PRR5L: variants seen among roughly 807,000 people sequenced by gnomAD.
The protein encoded by PRR5L is proline rich 5 like.
PRR5L carries 21 observed loss-of-function variants against 36.4 expected under a neutral mutation model. That is an observed-to-expected ratio of 0.58 (90% CI 0.41 to 0.83). The LOEUF (loss-of-function observed/expected upper bound fraction) is 0.83. Ranked by LOEUF, PRR5L falls within the 40% of genes least tolerant of loss-of-function variation. PRR5L has a pLI of 0.00. For synonymous variants in PRR5L, 188 were observed against 197.0 expected, an observed-to-expected ratio of 0.95 and a Z score of 0.38; for missense variants, 381 against 473.3, an observed-to-expected ratio of 0.80 and a Z score of 1.81.
At chr11:36,444,726 C>T (rs1299178453) in intron 6 of PRR5L, among the ~76,000 whole-genome samples, 1 of 152,274 alleles carries the variant, frequency 6.6e-6, no homozygotes, top group East Asian at 1.9e-4. Context: ...GGTTGCCTGC[C>T]CCAGTCTTCC....
intron 1 of PRR5L, among the ~76,000 whole-genome samples, chr11:36,368,762 C>G (rs1047468251): frequency 6.6e-6 from 1 of 152,140 alleles, no homozygotes; most frequent in African/African-American, 2.4e-5. Context: ...CTTCCCAGTA[C>G]TTTTGTTCTG....
chr11:36,343,609 G>C (rs1004660422), intron 1 of PRR5L, among the ~76,000 whole-genome samples: 1 of 152,198 alleles, frequency 6.6e-6, no homozygotes, highest in Non-Finnish European at 1.5e-5. Context: ...TTGGTAGTGT[G>C]GAAGATTTGG....
intron 1 of PRR5L, among the ~76,000 whole-genome samples, chr11:36,306,114 T>A (rs973223749): frequency 1.3e-5 from 2 of 152,188 alleles, no homozygotes; most frequent in Admixed American, 6.5e-5. Context: ...TTTTAATTAT[T>A]ACACTTTAAG....
intron 1 of PRR5L, among the ~76,000 whole-genome samples, chr11:36,306,675 G>C (rs1035238099): frequency 1.3e-5 from 2 of 151,918 alleles, no homozygotes; most frequent in African/African-American, 2.4e-5. Flanking sequence ...TCTAATAAAG[G>C]CTTTACCAAT....
Position 36,388,217 on chromosome 11 carries a change from C to T in PRR5L, c.-125-12780C>T, listed in dbSNP as rs375866486. On this transcript the variant is annotated intron_variant, in intron 1 of 8. Coordinates refer to ENST00000530639, the MANE Select transcript of PRR5L (RefSeq NM_001160167.2). The stretch of plus-strand genomic sequence containing the variant: ...GCCCATATGTTCCTGCACAGGGTCA[C>T]TCCTATTGTGAAATAAATGCTGAAT... 1.1e-4 allele frequency: 17 copies of T among 152,314 alleles called. No homozygotes were observed. The East Asian group carries it at 1.3e-3, about 12-fold the overall frequency. The allele number at this position is 152,314 out of a possible 1,614,324, so 9.4% of individuals were successfully genotyped here. A position where few individuals can be genotyped will look rare whatever the true frequency, so the allele number is the denominator to read the frequency against.
chr11:36,351,497 ATATT>A lies in PRR5L; in HGVS notation c.-125-49498_-125-49495del, dbSNP rs1292267873. ...TACATATATATTTATATATTTATAT[ATATT>A]TTTATATATTTATATATATTTATAT... On this transcript the variant is annotated intron_variant, in intron 1 of 8. Transcript: ENST00000530639. 8.5e-3 allele frequency among the ~76,000 whole-genome samples: 180 copies of A among 21,150 alleles called. 65 individuals carry two copies. Among genetic ancestry groups the A allele is most frequent in the African/African-American group, 0.04 (150 of 3,716 alleles). The allele number at this position is 21,150 out of a possible 152,430, so 13.9% of individuals were successfully genotyped here. A position where few individuals can be genotyped will look rare whatever the true frequency, so the allele number is the denominator to read the frequency against.
chr11:36,408,783 A>G (rs968363966), intron 3 of PRR5L, among the ~76,000 whole-genome samples: 2 of 152,178 alleles, frequency 1.3e-5, no homozygotes, highest in Non-Finnish European at 2.9e-5. Flanking sequence ...TATGTAACCG[A>G]GAAGAATTAG....
At chr11:36,391,563 CT>C (rs11428494) in intron 1 of PRR5L, among the ~76,000 whole-genome samples, 1 of 151,938 alleles carries the variant, frequency 6.6e-6, no homozygotes, top group African/African-American at 2.4e-5. Flanking sequence ...AGCACCAAAA[CT>C]TTTAAGTTGC....
At chr11:36,420,800 G>A (rs1276278083) in intron 4 of PRR5L, among the ~76,000 whole-genome samples, 3 of 149,108 alleles carry the variant, frequency 2.0e-5, no homozygotes, top group South Asian at 2.1e-4. Flanking sequence ...AAACTTTTAT[G>A]TGCACTTTAA....
chr11:36,457,307 CTT>C (rs1859081335), intron 8 of PRR5L, among the ~76,000 whole-genome samples: 1 of 152,150 alleles, frequency 6.6e-6, no homozygotes, highest in Non-Finnish European at 1.5e-5. Flanking sequence ...CTCCCATACT[CTT>C]ATAAAACATT....
At chr11:36,413,399 G>T (rs546064388) in intron 3 of PRR5L, among the ~76,000 whole-genome samples, 1 of 152,092 alleles carries the variant, frequency 6.6e-6, no homozygotes, top group Non-Finnish European at 1.5e-5. Context: ...ATTCTTTCTC[G>T]GGCTTCTGGC....
At chr11:36,416,207 C>G (rs1392555112) in intron 3 of PRR5L, among the ~76,000 whole-genome samples, 1 of 152,076 alleles carries the variant, frequency 6.6e-6, no homozygotes, top group African/African-American at 2.4e-5. Context: ...TAACATGTGA[C>G]CCTGTCTAAC....
chr11:36,302,569 T>G lies in PRR5L; in HGVS notation c.-126+6131T>G, dbSNP rs188381562. Among the ~76,000 whole-genome samples, 504 of 152,248 alleles carry G rather than the reference T, an allele frequency of 3.3e-3. 3 individuals carry two copies. The highest frequency in any genetic ancestry group is 0.011 in the African/African-American group (471 of 41,550). On this transcript the variant is annotated intron_variant, in intron 1 of 8. Transcript: ENST00000530639. ...GGGAGGCCAAGGCAGGCAGATCACC[T>G]GAGCTCAGGAGTTCGAGACCAGCCT...
intron 1 of PRR5L, among the ~76,000 whole-genome samples, chr11:36,337,061 A>T (rs899680816): frequency 2.0e-5 from 3 of 152,350 alleles, no homozygotes; most frequent in South Asian, 4.1e-4. Flanking sequence ...AAACCAAGAC[A>T]TAGAGGAGTT....
intron 1 of PRR5L, among the ~76,000 whole-genome samples, chr11:36,319,243 C>T (rs1385528373): frequency 6.6e-6 from 1 of 152,216 alleles, no homozygotes; most frequent in East Asian, 1.9e-4. Context: ...CTTTTATTTG[C>T]TGGTGGACAG....
chr11:36,314,578 T>C (rs916353916), intron 1 of PRR5L, among the ~76,000 whole-genome samples: 4 of 152,242 alleles, frequency 2.6e-5, no homozygotes, highest in Non-Finnish European at 4.4e-5. Flanking sequence ...CTTTGCTCCA[T>C]AGCAGCCTCC....
At chr11:36,356,675 C>T (rs950720511) in intron 1 of PRR5L, among the ~76,000 whole-genome samples, 2 of 152,144 alleles carry the variant, frequency 1.3e-5, no homozygotes, top group African/African-American at 4.8e-5. Flanking sequence ...CATCAGTGAT[C>T]TTTGCTGTTA....
intron 1 of PRR5L, among the ~76,000 whole-genome samples, chr11:36,298,181 A>C (rs1301911365): frequency 6.6e-6 from 1 of 152,094 alleles, no homozygotes; most frequent in East Asian, 1.9e-4. Context: ...ACAAAATATC[A>C]CAGACTGAGG....
chr11:36,412,415 G>C (rs1858045739), intron 3 of PRR5L, among the ~76,000 whole-genome samples: 1 of 152,154 alleles, frequency 6.6e-6, no homozygotes, highest in South Asian at 2.1e-4. Flanking sequence ...TCGTTATGAT[G>C]ATGATGATTG....
Sources: allele counts gnomAD v4.1 joint callset (sites outside exome capture counted in the v4.1 genomes callset), GRCh38; gene constraint gnomAD v4.1.1; transcripts MANE v1.5; gene names NCBI Gene and HGNC (gene_info 2026-07-23, HGNC 2026-07-21).